The following TIPRL variants were observed in gnomAD, a reference collection of about 807,000 sequenced individuals.
TIPRL encodes TIP41-like protein.
A neutral mutation model predicts 32.3 loss-of-function variants in TIPRL; 10 were observed. The ratio of observed to expected loss-of-function variants is 0.31; its 90% CI spans 0.19 to 0.52. The LOEUF is 0.52. TIPRL is among the 20% of genes least tolerant of loss of function. The pLI is 0.96. For missense variants in TIPRL, 250 were observed against 328.1 expected (o/e 0.76, Z 1.84); for synonymous variants, 100 against 114.0 (o/e 0.88, Z 0.78).
rs577949001 is a variant in TIPRL at position 168,191,836 on chromosome 1, C to A, written c.516+336C>A. 7.5e-4 allele frequency among the ~76,000 whole-genome samples: 103 copies of A among 136,598 alleles called. 2 individuals carry two copies. In the South Asian group the frequency reaches 0.02, roughly 26 times the overall value. The allele number at this position is 136,598 out of a possible 152,430, so 89.6% of individuals were successfully genotyped here. On this transcript the variant is annotated intron_variant, in intron 4 of 6. Transcript: ENST00000367833. ...GCAGTGAGCCAGGATCACGCCACTG[C>A]ACTCCAGCCTGGGCGACAGAGCAAA...
chr1:168,189,671 T>G (rs1700068059), intron 3 of TIPRL, among the ~76,000 whole-genome samples: 1 of 151,786 alleles, frequency 6.6e-6, no homozygotes, highest in South Asian at 2.1e-4. Context: ...AGCTGGTTAT[T>G]TTTTTTTTGT....
In TIPRL at chr1:168,183,951, GACA is replaced by G. The variant is rs1358742030; in HGVS notation, c.157_159del (p.Asn53del). On this transcript the variant is annotated inframe_deletion, in exon 2 of 7. Transcript: ENST00000367833. ...ATCTCTCCCTGAAATGATGTTTGGA[GACA>G]ACGTTTTAAGAATCCAGCATGGGTC... 6.2e-7 allele frequency: 1 copy of G among 1,613,940 alleles called. No homozygotes were observed. Among genetic ancestry groups the G allele is most frequent in the Non-Finnish European group, 8.5e-7 (1 of 1,179,966 alleles).
intron 5 of TIPRL, among the ~76,000 whole-genome samples, chr1:168,198,548 T>G (rs1374383127): frequency 6.6e-6 from 1 of 152,152 alleles, no homozygotes; most frequent in Non-Finnish European, 1.5e-5. Flanking sequence ...ATAAGATAGC[T>G]TAAGGGAAAG....
Position 168,201,635 on chromosome 1 carries a change from CACACAT to C in TIPRL, c.*1590_*1595del, listed in dbSNP as rs1474361760. 7.9e-5 allele frequency: 12 copies of C among 151,898 alleles called. No individual in the cohort carries two copies. Among genetic ancestry groups the C allele is most frequent in the East Asian group, 1.9e-4 (1 of 5,168 alleles). The allele number at this position is 151,898 out of a possible 1,614,324, so 9.4% of individuals were successfully genotyped here. A position where few individuals can be genotyped will look rare whatever the true frequency, so the allele number is the denominator to read the frequency against. On this transcript the variant is annotated 3_prime_UTR_variant, in exon 7 of 7. Coordinates refer to ENST00000367833, the MANE Select transcript of TIPRL (RefSeq NM_152902.5). ...AAGTAGACACACACACACACACACA[CACACAT>C]GTTGTGTTCAGCTTTCTGTTTTATA... is the stretch of plus-strand genomic sequence containing the variant.
chr1:168,193,325 A>T (rs1382377821), intron 4 of TIPRL, among the ~76,000 whole-genome samples: 1 of 152,228 alleles, frequency 6.6e-6, no homozygotes, highest in Admixed American at 6.5e-5. Flanking sequence ...AGGCCTAAAA[A>T]GATAGCTTAA....
At chr1:168,195,871 C>G (rs1700146920) in intron 4 of TIPRL, among the ~76,000 whole-genome samples, 1 of 152,070 alleles carries the variant, frequency 6.6e-6, no homozygotes, top group South Asian at 2.1e-4. Context: ...ACCATGCCAG[C>G]TAAACATATT....
At chr1:168,186,074 C>CAAAAAAAA (rs56699636) in intron 3 of TIPRL, among the ~76,000 whole-genome samples, 1 of 56,024 alleles carries the variant, frequency 1.8e-5, no homozygotes, top group Non-Finnish European at 3.6e-5. Flanking sequence ...GACTCCGTCT[C>CAAAAAAAA]AAAAAAAAAA....
intron 5 of TIPRL, among the ~76,000 whole-genome samples, chr1:168,197,823 C>T (rs1700174016): frequency 6.6e-6 from 1 of 152,132 alleles, no homozygotes; most frequent in South Asian, 2.1e-4. Flanking sequence ...CACACCGCTC[C>T]TGGCCTAAAT....
intron 4 of TIPRL, among the ~76,000 whole-genome samples, chr1:168,195,691 G>A (rs1700145760): frequency 6.6e-6 from 1 of 152,082 alleles, no homozygotes; most frequent in South Asian, 2.1e-4. Flanking sequence ...TCCCAGCTTA[G>A]CCTTCCACGT....
In TIPRL at chr1:168,179,149, G is replaced by C; in HGVS notation, c.72G>C (p.Lys24Asn). The C allele has an allele frequency of 6.2e-7, 1 of 1,614,070 alleles. No individual in the cohort carries two copies. The highest frequency in any genetic ancestry group is 8.5e-7 in the Non-Finnish European group (1 of 1,179,964). Residue 24 changes from lysine (K) to asparagine (N), a missense_variant, in exon 1 of 7, where the codon AAG becomes AAC. Coordinates refer to ENST00000367833, the MANE Select transcript of TIPRL (RefSeq NM_152902.5). ...GGCCCTGGAAGCTGACGGCGTCCAA[G>C]ACCCACATCATGAAGTCGGCGGATG... ...CFGPWKLTAS[K>N]THIMKSADVE...
intron 6 of TIPRL, among the ~76,000 whole-genome samples, chr1:168,199,348 A>AG (rs1700186606): frequency 1.3e-5 from 2 of 152,086 alleles, no homozygotes; most frequent in South Asian, 4.2e-4. Context: ...CTCTTCCGAA[A>AG]ATGTGGTGAT....
At position 168,201,625 on chromosome 1, in the gene TIPRL, C is replaced by T. The variant is rs1332623725; in HGVS notation, c.*1579C>T. On this transcript the variant is annotated 3_prime_UTR_variant, in exon 7 of 7. Transcript: ENST00000367833. ...TAGGACAGAAAAGTAGACACACACA[C>T]ACACACACACACACATGTTGTGTTC... 3 of 151,972 alleles carry T rather than the reference C, an allele frequency of 2.0e-5. No individual in the cohort carries two copies. Among genetic ancestry groups the T allele is most frequent in the Non-Finnish European group, 2.9e-5 (2 of 67,922 alleles). 9.4% of individuals were successfully genotyped at this position (151,972 alleles called of 1,614,324 possible). A position where few individuals can be genotyped will look rare whatever the true frequency, so the allele number is the denominator to read the frequency against.
intron 4 of TIPRL, among the ~76,000 whole-genome samples, chr1:168,191,899 A>G (rs1330921084): frequency 6.6e-6 from 1 of 151,732 alleles, no homozygotes; most frequent in African/African-American, 2.4e-5. Context: ...CTGAGCTTTA[A>G]CATGATGTCA....
At chr1:168,179,388 A>C (rs1465601157) in intron 1 of TIPRL, among the ~76,000 whole-genome samples, 8 of 152,050 alleles carry the variant, frequency 5.3e-5, no homozygotes, top group Admixed American at 3.9e-4. Context: ...GCTTTCGTCA[A>C]CTGTCAATCC....
At chr1:168,191,703 T>TCTACTA (rs1202562563) in intron 4 of TIPRL, among the ~76,000 whole-genome samples, 1 of 151,506 alleles carries the variant, frequency 6.6e-6, no homozygotes, top group Non-Finnish European at 1.5e-5. Context: ...AAACCCCGTC[T>TCTACTA]CTACTAAAAA....
Position 168,196,542 on chromosome 1 carries a change from T to TC in TIPRL, c.517-3dup. The TC allele has an allele frequency of 6.7e-7, 1 of 1,493,256 alleles. No homozygotes were observed. The highest frequency in any genetic ancestry group is 2.3e-5 in the East Asian group (1 of 42,594). 92.5% of individuals were successfully genotyped at this position (1,493,256 alleles called of 1,614,324 possible). Reference sequence around the variant, plus strand: ...ATATTAATGTACCTTTTTTTTTTTTTCCAGAGAGTAATGCCTTCTAGCTTT... The same window carrying TC: ...ATATTAATGTACCTTTTTTTTTTTTTCCCAGAGAGTAATGCCTTCTAGCTTT... On this transcript the variant is annotated splice_region_variant and splice_polypyrimidine_tract_variant and intron_variant, in intron 4 of 6. Transcript: ENST00000367833.
intron 5 of TIPRL, 81 bp from the exon 6 acceptor site, chr1:168,198,838 G>A: frequency 8.1e-7 from 1 of 1,233,490 alleles, no homozygotes; most frequent in Non-Finnish European, 1.2e-6. Context: ...ATCCTAAAAT[G>A]TAGGCAGTCT....
At chr1:168,199,442 G>C (rs764745780) in intron 6 of TIPRL, among the ~76,000 whole-genome samples, 3 of 151,948 alleles carry the variant, frequency 2.0e-5, no homozygotes, top group Non-Finnish European at 4.4e-5. Flanking sequence ...TTAGAACTTA[G>C]GATTCTATAA....
chr1:168,193,195 A>T (rs1159924106), intron 4 of TIPRL, among the ~76,000 whole-genome samples: 1 of 152,138 alleles, frequency 6.6e-6, no homozygotes, highest in Admixed American at 6.5e-5. Flanking sequence ...TTAGATAAAT[A>T]AAAAATTTTA....
Sources: allele counts gnomAD v4.1 joint callset (sites outside exome capture counted in the v4.1 genomes callset), GRCh38; gene constraint gnomAD v4.1.1; transcripts MANE v1.5; gene names NCBI Gene and HGNC (gene_info 2026-07-23, HGNC 2026-07-21).